The following YTHDC1 variants were observed in gnomAD, a reference collection of about 807,000 sequenced individuals.
YTHDC1 encodes the protein YTH N6-methyladenosine RNA binding protein C1.
YTHDC1 carries 12 observed loss-of-function variants against 107.0 expected under a neutral mutation model. That is an observed-to-expected ratio of 0.11 (90% CI 0.07 to 0.18). The LOEUF (loss-of-function observed/expected upper bound fraction) is 0.18, where lower values mean the gene tolerates loss of function less well. Among genes scored for constraint, YTHDC1 ranks in the 10% least tolerant of loss-of-function variants. YTHDC1 has a pLI of 1.00. For missense variants in YTHDC1, 635 were observed against 898.8 expected (o/e 0.71, Z 3.75); for synonymous variants, 280 against 289.5 (o/e 0.97, Z 0.33).
intron 1 of YTHDC1, among the ~76,000 whole-genome samples, chr4:68,349,356 C>G (rs1447300258): frequency 6.6e-6 from 1 of 152,148 alleles, no homozygotes; most frequent in Non-Finnish European, 1.5e-5. Context: ...CAAATTTTAG[C>G]CTAACAGAAA....
chr4:68,336,756 T>C (rs368329178), intron 4 of YTHDC1, among the ~76,000 whole-genome samples: 3 of 152,188 alleles, frequency 2.0e-5, no homozygotes, highest in South Asian at 4.1e-4. Flanking sequence ...TTTACAGAAA[T>C]CTGAAATACA....
intron 12 of YTHDC1, among the ~76,000 whole-genome samples, chr4:68,319,156 G>A (rs1722171477): frequency 6.6e-6 from 1 of 152,114 alleles, no homozygotes; most frequent in Admixed American, 6.5e-5. Context: ...TGCTTCACAG[G>A]GAAGGTAAGG....
chr4:68,333,007 C>G (rs1283881937), intron 5 of YTHDC1, among the ~76,000 whole-genome samples, 160 bp from the exon 6 acceptor site: 1 of 151,990 alleles, frequency 6.6e-6, no homozygotes, highest in Non-Finnish European at 1.5e-5. Context: ...GAGTGTTTTG[C>G]TTTTTGGGTT....
At position 68,313,783 on chromosome 4, in the gene YTHDC1, CAA is replaced by C. The variant is rs1560466568; in HGVS notation, c.*314_*315del. 3.5e-6 allele frequency: 1 copy of C among 283,692 alleles called. No individual in the cohort carries two copies. The highest frequency in any genetic ancestry group is 6.6e-6 in the Non-Finnish European group (1 of 151,920). The allele number at this position is 283,692 out of a possible 1,614,324, so 17.6% of individuals were successfully genotyped here. On this transcript the variant is annotated 3_prime_UTR_variant, in exon 17 of 17. Transcript: ENST00000344157. ...AAGATCCAAAAAGGAAAAAAACAAA[CAA>C]AAAAATAACTCTAGGATGAACACAC...
chr4:68,316,482 A>AC, intron 15 of YTHDC1, 34 bp from the exon 16 acceptor site: 1 of 1,599,466 alleles, frequency 6.3e-7, no homozygotes, highest in African/African-American at 1.3e-5. Flanking sequence ...TTAAGAATCT[A>AC]CCAACACCCT....
chr4:68,322,707 C>A lies in YTHDC1; in HGVS notation c.1601+42G>T. 6.3e-7 allele frequency: 1 copy of A among 1,595,600 alleles called. No homozygotes were observed. Among genetic ancestry groups the A allele is most frequent in the South Asian group, 1.1e-5 (1 of 89,084 alleles). On this transcript the variant is annotated intron_variant, in intron 11 of 16. Coordinates refer to ENST00000344157, the MANE Select transcript of YTHDC1 (RefSeq NM_001031732.4). This position sits in a 1 kb window ranked among gnomAD's most constrained non-coding sequence, Gnocchi z 4.8. ...AATCATATTCCTCCATCATGTTATT[C>A]TGATACATGTGCCTATTATCAGTCC...
intron 16 of YTHDC1, among the ~76,000 whole-genome samples, chr4:68,314,945 T>A (rs1479141280): frequency 6.6e-6 from 1 of 152,214 alleles, no homozygotes; most frequent in Non-Finnish European, 1.5e-5. Context: ...TTAGCTGAAA[T>A]AAGATTTGAA....
At chr4:68,330,359 T>C in intron 7 of YTHDC1, 49 bp from the exon 8 acceptor site, 1 of 1,279,112 alleles carries the variant, frequency 7.8e-7, no homozygotes, top group Non-Finnish European at 1.1e-6. Context: ...TACAACTCTT[T>C]TGTGTTTCCA....
intron 1 of YTHDC1, among the ~76,000 whole-genome samples, chr4:68,338,703 A>T (rs995180820): frequency 1.3e-5 from 2 of 152,230 alleles, no homozygotes; most frequent in Admixed American, 1.3e-4. Context: ...TACAAAAATT[A>T]GCAGGGCATG....
At chr4:68,334,633 T>C (rs1723955855) in intron 4 of YTHDC1, among the ~76,000 whole-genome samples, 1 of 152,226 alleles carries the variant, frequency 6.6e-6, no homozygotes, top group Admixed American at 6.5e-5. Context: ...TTTTCCCCCA[T>C]GGATATTTCT....
chr4:68,346,959 T>C (rs1725513341), intron 1 of YTHDC1, among the ~76,000 whole-genome samples: 2 of 151,978 alleles, frequency 1.3e-5, no homozygotes, highest in Non-Finnish European at 2.9e-5. Context: ...CTGGTAGAGG[T>C]TGGGGGTCAG....
rs1385552113 is a variant in YTHDC1 at position 68,333,319 on chromosome 4, T to C, written c.962A>G (p.Glu321Gly). ...CAAAATGAGAATACCTGCATATGAC[T>C]CTGATGCAGAGCTTCCACTTCTATC... ...VFDRSGSSAS[E>G]SYAGSEKKHE... Residue 321 changes from glutamate to glycine, a missense_variant, in exon 5 of 17, where the codon GAG becomes GGG. Transcript: ENST00000344157. The C allele has an allele frequency of 6.2e-7, 1 of 1,611,774 alleles. No individual in the cohort carries two copies. Among genetic ancestry groups the C allele is most frequent in the South Asian group, 1.1e-5 (1 of 90,872 alleles).
chr4:68,348,830 C>A (rs1174295399), intron 1 of YTHDC1, among the ~76,000 whole-genome samples: 1 of 152,178 alleles, frequency 6.6e-6, no homozygotes, highest in East Asian at 1.9e-4. Context: ...TAACTATAAT[C>A]TTTCCAAGAC....
In YTHDC1 at chr4:68,310,474, G is replaced by T. The variant is rs951930615; in HGVS notation, c.*3625C>A. The stretch of plus-strand genomic sequence containing the variant: ...TTAAGACACAGAAGAAACTGAAAGT[G>T]TAAGATTTAGAAACAAGAGAATCCC... On this transcript the variant is annotated 3_prime_UTR_variant, in exon 17 of 17. Transcript: ENST00000344157. The T allele has an allele frequency of 2.0e-5, 3 of 152,106 alleles. No individual in the cohort carries two copies. Among genetic ancestry groups the T allele is most frequent in the African/African-American group, 7.2e-5 (3 of 41,406 alleles). 9.4% of individuals were successfully genotyped at this position (152,106 alleles called of 1,614,324 possible). A position where few individuals can be genotyped will look rare whatever the true frequency, so the allele number is the denominator to read the frequency against.
At chr4:68,347,642 AT>A (rs1482024578) in intron 1 of YTHDC1, among the ~76,000 whole-genome samples, 1 of 152,208 alleles carries the variant, frequency 6.6e-6, no homozygotes. Flanking sequence ...ATCTTAAACC[AT>A]TTATGGAATC....
At chr4:68,337,995 G>T in intron 2 of YTHDC1, 95 bp from the exon 3 acceptor site, 1 of 1,483,684 alleles carries the variant, frequency 6.7e-7, no homozygotes. Context: ...TCAGGAAGGG[G>T]GGATAGGCCT....
At position 68,332,178 on chromosome 4, in the gene YTHDC1, T is replaced by C. The variant is rs772961672; in HGVS notation, c.1047A>G (p.Lys349=). 5 of 1,605,872 alleles carry C rather than the reference T, an allele frequency of 3.1e-6. No homozygotes were observed. In the Admixed American group the frequency reaches 6.8e-5, roughly 22 times the overall value. Reference sequence around the variant, plus strand: ...AAAATCTTGCATCTTGAAGCACATATTTGAGTTTACTGGTTTGATCTGAAA... The same window carrying C: ...AAAATCTTGCATCTTGAAGCACATACTTGAGTTTACTGGTTTGATCTGAAA... ...AVRKDQTSKL[K]YVLQDARFFL... The change falls in exon 7 of 17, where the codon AAA becomes AAG. Residue 349 remains lysine (K), a synonymous_variant. Transcript: ENST00000344157.
At chr4:68,329,367 C>A (rs768320982) in intron 9 of YTHDC1, among the ~76,000 whole-genome samples, 1 of 152,116 alleles carries the variant, frequency 6.6e-6, no homozygotes, top group South Asian at 2.1e-4. Flanking sequence ...AGATCTAATA[C>A]CCAAAAACAA....
intron 9 of YTHDC1, among the ~76,000 whole-genome samples, chr4:68,325,801 G>GAT (rs202126891): frequency 3.3e-5 from 5 of 152,042 alleles, no homozygotes; most frequent in South Asian, 2.1e-4. Context: ...TGATGGAGGT[G>GAT]ATATATATAT....
Sources: allele counts gnomAD v4.1 joint callset (sites outside exome capture counted in the v4.1 genomes callset), GRCh38; gene constraint gnomAD v4.1.1; non-coding constraint Gnocchi (gnomAD v3.1); transcripts MANE v1.5; gene names NCBI Gene and HGNC (gene_info 2026-07-23, HGNC 2026-07-21).